RABGAP1L: variants seen among roughly 807,000 people sequenced by gnomAD.
RABGAP1L encodes RAB GTPase activating protein 1 like.
A neutral mutation model predicts 137.7 loss-of-function variants in RABGAP1L; 63 were observed. That is an observed-to-expected ratio of 0.46 (90% CI 0.37 to 0.56). RABGAP1L has a LOEUF of 0.56. Ranked by LOEUF, RABGAP1L falls within the 20% of genes least tolerant of loss-of-function variation. RABGAP1L has a pLI of 0.00. For missense variants in RABGAP1L, 1,095 were observed against 1,244.0 expected, an observed-to-expected ratio of 0.88 and a Z score of 1.80; for synonymous variants, 431 against 433.7, an observed-to-expected ratio of 0.99 and a Z score of 0.08.
Position 174,832,838 on chromosome 1 carries a change from G to A in RABGAP1L, c.2340+20878G>A, listed in dbSNP as rs537027091. Reference sequence around the variant, plus strand: ...TTTGCCATTTTTGTTTGAAAGCAGTGCATTGGTTAACAATAACTTTGTAGT... The same window carrying A: ...TTTGCCATTTTTGTTTGAAAGCAGTACATTGGTTAACAATAACTTTGTAGT... On this transcript the variant is annotated intron_variant, in intron 19 of 25. Coordinates refer to ENST00000681986, the MANE Select transcript of RABGAP1L (RefSeq NM_001366446.1). 5.3e-5 allele frequency among the ~76,000 whole-genome samples: 8 copies of A among 152,312 alleles called. No homozygotes were observed. In the South Asian group the frequency reaches 1.7e-3, roughly 32 times the overall value.
chr1:174,702,341 G>T, intron 17 of RABGAP1L, 85 bp downstream of exon 17: 1 of 1,248,860 alleles, frequency 8.0e-7, no homozygotes. Flanking sequence ...TTTTGTTTTT[G>T]CCTGTGACAT....
chr1:174,789,294 G>A (rs1021811498), intron 18 of RABGAP1L, among the ~76,000 whole-genome samples: 2 of 152,050 alleles, frequency 1.3e-5, no homozygotes, highest in African/African-American at 4.8e-5. Context: ...CATTCTTAAG[G>A]AATCACTGCA....
chr1:174,328,022 T>TATATAC (rs1486714775), intron 11 of RABGAP1L, among the ~76,000 whole-genome samples: 2 of 119,062 alleles, frequency 1.7e-5, no homozygotes, highest in Admixed American at 8.7e-5. Flanking sequence ...TATATATATA[T>TATATAC]ATACCCAACA....
intron 19 of RABGAP1L, among the ~76,000 whole-genome samples, chr1:174,904,093 C>T (rs755358399): frequency 2.6e-5 from 4 of 152,024 alleles, no homozygotes; most frequent in Non-Finnish European, 5.9e-5. Context: ...CTAGCAACAA[C>T]TCTGAGCAGT....
rs1203840121 is a variant in RABGAP1L at position 174,605,027 on chromosome 1, G to T, written c.1711-32348G>T. On this transcript the variant is annotated intron_variant, in intron 13 of 25. Transcript: ENST00000681986. ...GTGGTGGCACATACCTGTAATCCTA[G>T]CTTCTCAGGTTGCTGAGGCAGGAGA... Among the ~76,000 whole-genome samples the T allele has an allele frequency of 1.3e-5, 2 of 152,128 alleles. 1 individual carries two copies. Among genetic ancestry groups the T allele is most frequent in the Non-Finnish European group, 2.9e-5 (2 of 68,030 alleles).
intron 13 of RABGAP1L, among the ~76,000 whole-genome samples, chr1:174,610,457 G>C (rs1249822539): frequency 1.3e-5 from 2 of 151,780 alleles, no homozygotes; most frequent in Non-Finnish European, 2.9e-5. Context: ...GTCTATCATT[G>C]TTGGACATTT....
chr1:174,188,414 G>A (rs764141622), intron 1 of RABGAP1L, among the ~76,000 whole-genome samples: 1 of 152,100 alleles, frequency 6.6e-6, no homozygotes, highest in Non-Finnish European at 1.5e-5. Context: ...AATGAATAAA[G>A]CATGGTGGTT....
chr1:174,473,697 T>A (rs1658189001), intron 13 of RABGAP1L, among the ~76,000 whole-genome samples: 1 of 152,222 alleles, frequency 6.6e-6, no homozygotes, highest in African/African-American at 2.4e-5. Context: ...AACTTTATTT[T>A]AATGCCAACC....
chr1:174,730,461 C>A (rs1682372059), intron 17 of RABGAP1L, among the ~76,000 whole-genome samples: 1 of 152,138 alleles, frequency 6.6e-6, no homozygotes, highest in African/African-American at 2.4e-5. Context: ...TCCCCTGAAT[C>A]TAAAATAAAA....
At position 174,312,280 on chromosome 1, in the gene RABGAP1L, T is replaced by C. The variant is rs146510175; in HGVS notation, c.1465+7153T>C. Among the ~76,000 whole-genome samples the C allele has an allele frequency of 8.5e-5, 13 of 152,324 alleles. No individual in the cohort carries two copies. In the East Asian group the frequency reaches 2.3e-3, roughly 27 times the overall value. Reference sequence around the variant, plus strand: ...GATTGCCTGCCTTTTGGATGTAAGCTATTTTAACTGGGGTGAGATGATATC... The same window carrying C: ...GATTGCCTGCCTTTTGGATGTAAGCCATTTTAACTGGGGTGAGATGATATC... On this transcript the variant is annotated intron_variant, in intron 11 of 25. Coordinates refer to ENST00000681986, the MANE Select transcript of RABGAP1L (RefSeq NM_001366446.1).
At position 174,622,253 on chromosome 1, in the gene RABGAP1L, G is replaced by A. The variant is rs552443633; in HGVS notation, c.1711-15122G>A. Among the ~76,000 whole-genome samples the A allele has an allele frequency of 6.6e-5, 10 of 152,316 alleles. No individual in the cohort carries two copies. In the South Asian group the frequency reaches 1.0e-3, roughly 16 times the overall value. On this transcript the variant is annotated intron_variant, in intron 13 of 25. Coordinates refer to ENST00000681986, the MANE Select transcript of RABGAP1L (RefSeq NM_001366446.1). ...AAATAGGAACACTTTTACAGTGTTG[G>A]TGGGACTGTAAACTAGTTCAACCAT... is the stretch of plus-strand genomic sequence containing the variant.
intron 13 of RABGAP1L, among the ~76,000 whole-genome samples, chr1:174,548,891 C>G (rs1335796430): frequency 6.6e-6 from 1 of 152,294 alleles, no homozygotes; most frequent in Non-Finnish European, 1.5e-5. Flanking sequence ...TAATTTAAAA[C>G]TACAATAGTG....
chr1:174,954,865 C>G (rs901105520), intron 19 of RABGAP1L, among the ~76,000 whole-genome samples: 6 of 152,152 alleles, frequency 3.9e-5, no homozygotes, highest in African/African-American at 1.4e-4. Context: ...TCCCCTTTTT[C>G]TATAGCTCCA....
At chr1:174,770,984 A>T (rs902428999) in intron 18 of RABGAP1L, among the ~76,000 whole-genome samples, 2 of 152,258 alleles carry the variant, frequency 1.3e-5, no homozygotes, top group Non-Finnish European at 2.9e-5. Flanking sequence ...TGGGGTTTAA[A>T]AGGGATCTTT....
At chr1:174,555,412 G>A (rs867859117) in intron 13 of RABGAP1L, among the ~76,000 whole-genome samples, 6 of 152,056 alleles carry the variant, frequency 3.9e-5, no homozygotes, top group East Asian at 3.8e-4. Context: ...CCTTAATCAC[G>A]TAAGCATCAA....
intron 13 of RABGAP1L, among the ~76,000 whole-genome samples, chr1:174,523,838 G>A (rs193162354): frequency 7.9e-5 from 12 of 152,172 alleles, no homozygotes; most frequent in Admixed American, 7.9e-4. Flanking sequence ...TTCTCAATTT[G>A]TGTGAGATCA....
intron 19 of RABGAP1L, among the ~76,000 whole-genome samples, chr1:174,920,402 A>G (rs1465120366): frequency 6.6e-6 from 1 of 152,230 alleles, no homozygotes; most frequent in Non-Finnish European, 1.5e-5. Flanking sequence ...TATCAGGAGA[A>G]CAGTGCAGGA....
intron 13 of RABGAP1L, among the ~76,000 whole-genome samples, chr1:174,618,320 A>G (rs929652893): frequency 6.6e-6 from 1 of 152,146 alleles, no homozygotes; most frequent in Non-Finnish European, 1.5e-5. Flanking sequence ...GCAGCTGGAG[A>G]TCTGAGAATG....
intron 13 of RABGAP1L, among the ~76,000 whole-genome samples, chr1:174,596,825 G>A (rs564500312): frequency 6.6e-6 from 1 of 152,136 alleles, no homozygotes; most frequent in East Asian, 1.9e-4. Context: ...CAGGTTTTAC[G>A]CATATGTAGA....
Sources: allele counts gnomAD v4.1 joint callset (sites outside exome capture counted in the v4.1 genomes callset), GRCh38; gene constraint gnomAD v4.1.1; transcripts MANE v1.5; gene names NCBI Gene and HGNC (gene_info 2026-07-23, HGNC 2026-07-21).